The following BCAS3 variants were observed in gnomAD, a reference collection of about 807,000 sequenced individuals.
BCAS3 encodes the protein BCAS4/BCAS3 fusion.
A neutral mutation model predicts 116.1 loss-of-function variants in BCAS3; 53 were observed. The observed-to-expected ratio is 0.46, with a 90% CI of 0.37 to 0.57. BCAS3 has a LOEUF of 0.57. Ranked by LOEUF, BCAS3 falls within the 20% of genes least tolerant of loss-of-function variation. The pLI, the probability that BCAS3 is intolerant of heterozygous loss-of-function variation, is 0.00. For synonymous variants in BCAS3, 391 were observed against 408.2 expected (o/e 0.96, Z 0.51); for missense variants, 917 against 1,165.4 (o/e 0.79, Z 3.10).
At chr17:60,877,495 G>A (rs896237432) in intron 9 of BCAS3, among the ~76,000 whole-genome samples, 5 of 152,144 alleles carry the variant, frequency 3.3e-5, no homozygotes, top group Admixed American at 1.3e-4. Context: ...TGCCTTTCAT[G>A]CTTTCCTTTT....
chr17:60,901,640 T>G (rs1472809436), intron 10 of BCAS3, among the ~76,000 whole-genome samples: 1 of 152,206 alleles, frequency 6.6e-6, no homozygotes, highest in Non-Finnish European at 1.5e-5. Flanking sequence ...TTACTATTGC[T>G]TTCAGGGATG....
intron 7 of BCAS3, among the ~76,000 whole-genome samples, chr17:60,819,077 C>T (rs936804026): frequency 1.3e-5 from 2 of 152,034 alleles, no homozygotes; most frequent in African/African-American, 2.4e-5. Flanking sequence ...TCTCATGTGG[C>T]TTAGGGATGT....
At chr17:60,679,874 C>T (rs560597507) in intron 2 of BCAS3, among the ~76,000 whole-genome samples, 4 of 152,224 alleles carry the variant, frequency 2.6e-5, no homozygotes, top group African/African-American at 7.2e-5. Flanking sequence ...CGCAGTGGCT[C>T]ATGCCTGTAA....
intron 15 of BCAS3, among the ~76,000 whole-genome samples, chr17:60,992,748 A>G (rs1404556752): frequency 1.3e-5 from 2 of 152,210 alleles, no homozygotes; most frequent in East Asian, 1.9e-4. Context: ...TTAGAAAGCT[A>G]TGAGATATTG....
At chr17:61,305,184 A>C (rs1003113218) in intron 22 of BCAS3, among the ~76,000 whole-genome samples, 1 of 152,182 alleles carries the variant, frequency 6.6e-6, no homozygotes, top group East Asian at 1.9e-4. Flanking sequence ...GCCTTAGTCA[A>C]TGAATGAAGC....
intron 7 of BCAS3, among the ~76,000 whole-genome samples, chr17:60,854,087 TC>T (rs1458290945): frequency 6.6e-6 from 1 of 152,090 alleles, no homozygotes; most frequent in Non-Finnish European, 1.5e-5. Flanking sequence ...TGTGTGTTGT[TC>T]CCCTTCCTGT....
At chr17:60,800,367 C>T (rs2047664327) in intron 6 of BCAS3, among the ~76,000 whole-genome samples, 1 of 152,100 alleles carries the variant, frequency 6.6e-6, no homozygotes, top group African/African-American at 2.4e-5. Context: ...ATGACTTTTC[C>T]TGTGCTGATT....
At chr17:61,193,257 G>C (rs955276466) in intron 22 of BCAS3, among the ~76,000 whole-genome samples, 1 of 151,608 alleles carries the variant, frequency 6.6e-6, no homozygotes, top group Non-Finnish European at 1.5e-5. Context: ...GGGAGACTCT[G>C]TTTCAAAAAC....
chr17:60,796,096 A>C (rs1439424449), intron 6 of BCAS3, among the ~76,000 whole-genome samples: 1 of 152,192 alleles, frequency 6.6e-6, no homozygotes, highest in Non-Finnish European at 1.5e-5. Flanking sequence ...ATCATGGTGA[A>C]ATATCTTTTT....
intron 11 of BCAS3, among the ~76,000 whole-genome samples, chr17:60,910,306 G>A (rs903685772): frequency 7.2e-5 from 11 of 152,214 alleles, no homozygotes; most frequent in African/African-American, 2.6e-4. Flanking sequence ...GCCTGCCATG[G>A]TGACTTTAGA....
rs2048922579 is a variant in BCAS3, at chr17:61,258,018, A to G, written c.2426-110309A>G. ...AGCATAGATTTTCTCTTCCCACCTT[A>G]TTATTTTTGTGCACACTGTTCCTTC... On this transcript the variant is annotated intron_variant, in intron 22 of 23. Coordinates refer to ENST00000407086, the MANE Select transcript of BCAS3 (RefSeq NM_017679.5). The surrounding 1 kb of genome is among the most constrained non-coding windows in gnomAD (Gnocchi z 4.7). Among the ~76,000 whole-genome samples the G allele has an allele frequency of 6.6e-6, 1 of 151,992 alleles. No homozygotes were observed. The highest frequency in any genetic ancestry group is 1.5e-5 in the Non-Finnish European group (1 of 68,002).
chr17:60,734,725 G>A (rs2040798876), intron 5 of BCAS3, among the ~76,000 whole-genome samples: 1 of 152,182 alleles, frequency 6.6e-6, no homozygotes, highest in Non-Finnish European at 1.5e-5. Context: ...TTTGGTTACT[G>A]TAGCTTTAAA....
intron 6 of BCAS3, among the ~76,000 whole-genome samples, chr17:60,787,040 A>G (rs2046340241): frequency 6.6e-6 from 1 of 152,192 alleles, no homozygotes; most frequent in African/African-American, 2.4e-5. Context: ...ATAAAAAGGA[A>G]CAAAAGCTCA....
chr17:61,078,764 A>G (rs1484178048), intron 21 of BCAS3, among the ~76,000 whole-genome samples: 1 of 152,234 alleles, frequency 6.6e-6, no homozygotes, highest in African/African-American at 2.4e-5. Context: ...TAAATCTAAT[A>G]GTCACTGCAC....
Position 61,130,265 on chromosome 17 carries a change from C to A in BCAS3, c.2425+45701C>A, listed in dbSNP as rs1357940173. ...CTTAATAATAATTCCACAAGTATTT[C>A]TCTCAATTCTAAATCCCAGAGCACC... On this transcript the variant is annotated intron_variant, in intron 22 of 23. Coordinates refer to ENST00000407086, the MANE Select transcript of BCAS3 (RefSeq NM_017679.5). This position sits in a 1 kb window ranked among gnomAD's most constrained non-coding sequence, Gnocchi z 5.0. Among the ~76,000 whole-genome samples the A allele has an allele frequency of 6.6e-6, 1 of 152,150 alleles. No individual in the cohort carries two copies. Among genetic ancestry groups the A allele is most frequent in the Non-Finnish European group, 1.5e-5 (1 of 68,034 alleles).
In BCAS3 at chr17:61,251,486, C is replaced by T. The variant is rs1441094589; in HGVS notation, c.2426-116841C>T. The stretch of plus-strand genomic sequence containing the variant: ...TAGGGAGGCTGAGGCAGGAGAATCA[C>T]TTGAACGCGGGATGCAGAGGTTGCA... On this transcript the variant is annotated intron_variant, in intron 22 of 23. Transcript: ENST00000407086. This position sits in a 1 kb window ranked among gnomAD's most constrained non-coding sequence, Gnocchi z 4.7. Among the ~76,000 whole-genome samples, 1 of 151,944 alleles carries T rather than the reference C, an allele frequency of 6.6e-6. No homozygotes were observed. The highest frequency in any genetic ancestry group is 1.5e-5 in the Non-Finnish European group (1 of 68,012).
intron 22 of BCAS3, among the ~76,000 whole-genome samples, chr17:61,221,711 T>G (rs1202843944): frequency 6.6e-6 from 1 of 152,074 alleles, no homozygotes; most frequent in Non-Finnish European, 1.5e-5. Flanking sequence ...GTGCCTGTGG[T>G]TGGGGTGCTC....
chr17:60,932,941 G>A (rs1346879377), intron 13 of BCAS3, among the ~76,000 whole-genome samples: 1 of 151,966 alleles, frequency 6.6e-6, no homozygotes, highest in East Asian at 1.9e-4. Context: ...TTGGGAGGCC[G>A]AGGAGGGCGG....
chr17:60,942,373 G>A (rs1344552984), intron 13 of BCAS3, among the ~76,000 whole-genome samples: 1 of 152,140 alleles, frequency 6.6e-6, no homozygotes, highest in Admixed American at 6.5e-5. Flanking sequence ...GTTGCAGTGA[G>A]CCAAGATTGT....
Sources: allele counts gnomAD v4.1 joint callset (sites outside exome capture counted in the v4.1 genomes callset), GRCh38; gene constraint gnomAD v4.1.1; non-coding constraint Gnocchi (gnomAD v3.1); transcripts MANE v1.5; gene names NCBI Gene and HGNC (gene_info 2026-07-23, HGNC 2026-07-21).